Variants in TXNDC9 observed in about 807,000 individuals in gnomAD.
TXNDC9 encodes thioredoxin domain containing 9.
Under a neutral mutation model 23.0 loss-of-function variants are expected in TXNDC9, and 7 were observed. The observed-to-expected ratio is 0.30, with a 90% CI of 0.17 to 0.57. The LOEUF (loss-of-function observed/expected upper bound fraction) is 0.57. Ranked by LOEUF, TXNDC9 falls within the 20% of genes least tolerant of loss-of-function variation. The pLI is 0.90. For synonymous variants in TXNDC9, 72 were observed against 90.6 expected (o/e 0.79, Z 1.17); for missense variants, 198 against 252.6 (o/e 0.78, Z 1.47).
At chr2:99,327,315 AC>A (rs538871393) in intron 3 of TXNDC9, among the ~76,000 whole-genome samples, 7 of 151,546 alleles carry the variant, frequency 4.6e-5, no homozygotes, top group African/African-American at 1.2e-4. Flanking sequence ...CAAGTGATCC[AC>A]CCCCCACTTG....
At chr2:99,334,584 G>A (rs2105327607) in intron 1 of TXNDC9, among the ~76,000 whole-genome samples, 1 of 152,292 alleles carries the variant, frequency 6.6e-6, no homozygotes, top group Non-Finnish European at 1.5e-5. Flanking sequence ...AATGGCATTT[G>A]TGTATCTAAA....
At chr2:99,322,692 T>C in intron 3 of TXNDC9, 1 of 1,483,214 alleles carries the variant, frequency 6.7e-7, no homozygotes, top group Non-Finnish European at 8.9e-7. Flanking sequence ...GGCTAAGGGT[T>C]ACTAATAATA....
In TXNDC9 at chr2:99,333,305, C is replaced by T. The variant is rs547085710; in HGVS notation, c.-32-63G>A. The T allele has an allele frequency of 5.7e-6, 8 of 1,410,108 alleles. No individual in the cohort carries two copies. The Admixed American group carries it at 1.6e-4, about 28-fold the overall frequency. 87.3% of individuals were successfully genotyped at this position (1,410,108 alleles called of 1,614,324 possible). ...CAAACAATAAGCAAGGTTTTCTCTACCATTTTCAAAAATTCTGGCAAGTGT... is the reference window on the plus strand; with the variant it reads ...CAAACAATAAGCAAGGTTTTCTCTATCATTTTCAAAAATTCTGGCAAGTGT... On this transcript the variant is annotated intron_variant, in intron 1 of 4. Coordinates refer to ENST00000264255, the MANE Select transcript of TXNDC9 (RefSeq NM_005783.4).
At chr2:99,312,492 G>A in the TXNDC9 span, among the ~76,000 whole-genome samples, 9 of 138,680 alleles carry the variant, frequency 6.5e-5, no homozygotes, top group South Asian at 4.5e-4. Context: ...ATGAGACTCC[G>A]TCTCAAAAAA....
chr2:99,307,332 A>T, the TXNDC9 span: 1 of 152,016 alleles, frequency 6.6e-6, no homozygotes, highest in East Asian at 1.9e-4. Flanking sequence ...CAAAGTATTT[A>T]CAATTATTAT....
chr2:99,320,440 C>T (rs895997955), intron 4 of TXNDC9, among the ~76,000 whole-genome samples: 2 of 152,110 alleles, frequency 1.3e-5, no homozygotes, highest in Non-Finnish European at 2.9e-5. Flanking sequence ...CGTCAAAAAT[C>T]GATAATCTGA....
At chr2:99,324,213 C>A (rs1367595950) in intron 3 of TXNDC9, among the ~76,000 whole-genome samples, 1 of 152,192 alleles carries the variant, frequency 6.6e-6, no homozygotes, top group African/African-American at 2.4e-5. Flanking sequence ...AAACATACAG[C>A]TGTTCTTATG....
Position 99,321,968 on chromosome 2 carries a change from T to C in TXNDC9, c.550A>G (p.Ile184Val). The C allele has an allele frequency of 1.9e-6, 3 of 1,609,208 alleles. No individual in the cohort carries two copies. The highest frequency in any genetic ancestry group is 2.5e-6 in the Non-Finnish European group (3 of 1,177,698). The change falls in exon 4 of 5, where the codon ATT (isoleucine) becomes GTT (valine). Residue 184 changes from isoleucine to valine, a missense_variant. Coordinates refer to ENST00000264255, the MANE Select transcript of TXNDC9 (RefSeq NM_005783.4). ...TLEWRLGSSD[I>V]LNYSGNLMEP... Reference sequence around the variant, plus strand: ...GTTAAAAGTTACCTGTAATTAAGAATGTCAGAAGAACCGAGCCTCCATTCT... The same window carrying C: ...GTTAAAAGTTACCTGTAATTAAGAACGTCAGAAGAACCGAGCCTCCATTCT...
chr2:99,334,716 T>C (rs2094234534), intron 1 of TXNDC9, among the ~76,000 whole-genome samples: 3 of 152,086 alleles, frequency 2.0e-5, no homozygotes, highest in Admixed American at 2.0e-4. Context: ...AGTACAAAAT[T>C]TTACTTTTTT....
chr2:99,322,090 A>G lies in TXNDC9; in HGVS notation c.428T>C (p.Ile143Thr). The change falls in exon 4 of 5, where the codon ATT (isoleucine) becomes ACT (threonine). Residue 143 changes from isoleucine (I) to threonine (T), a missense_variant. By Grantham distance (89) the Ile-to-Thr change is moderately conservative. Transcript: ENST00000264255. ...FLCERLHIKVIPTLALLKDGK... is the reference protein window; with the variant it reads ...FLCERLHIKVTPTLALLKDGK... ...ATCTTTTAGCAGTGCTAGTGTGGGA[A>G]TGACTTTGATATGCAGTCTCTCACA... 6.2e-7 allele frequency: 1 copy of G among 1,614,180 alleles called. No homozygotes were observed. The highest frequency in any genetic ancestry group is 1.1e-5 in the South Asian group (1 of 91,082).
At chr2:99,311,047 A>C in the TXNDC9 span, among the ~76,000 whole-genome samples, 2 of 151,550 alleles carry the variant, frequency 1.3e-5, no homozygotes, top group Admixed American at 6.6e-5. Context: ...TTTTTAAGAG[A>C]CAGGATCTCC....
chr2:99,331,958 G>A (rs1205840790), intron 2 of TXNDC9, among the ~76,000 whole-genome samples: 4 of 152,044 alleles, frequency 2.6e-5, no homozygotes, highest in Admixed American at 6.6e-5. Flanking sequence ...TTGAACTCCC[G>A]ACCTCAGGTT....
At chr2:99,311,157 C>T in the TXNDC9 span, among the ~76,000 whole-genome samples, 1 of 152,258 alleles carries the variant, frequency 6.6e-6, no homozygotes, top group South Asian at 2.1e-4. Context: ...TCCCCAGTAG[C>T]TGGGACTACA....
intron 1 of TXNDC9, among the ~76,000 whole-genome samples, chr2:99,333,462 T>C (rs1372190874): frequency 1.3e-5 from 2 of 152,118 alleles, no homozygotes; most frequent in Non-Finnish European, 2.9e-5. Flanking sequence ...TTACAGCAAA[T>C]TTAGGGTGCT....
intron 2 of TXNDC9, among the ~76,000 whole-genome samples, chr2:99,328,262 ATT>A (rs59604079): frequency 0.016 from 2,188 of 138,074 alleles, 18 homozygotes; most frequent in Middle Eastern, 0.026. Context: ...CACGCCTGGC[ATT>A]TTTTTTTTTT....
the TXNDC9 span, among the ~76,000 whole-genome samples, chr2:99,306,504 C>T: frequency 0.6 from 91,196 of 151,494 alleles, 28,214 homozygotes; most frequent in Middle Eastern, 0.79. Flanking sequence ...CTTAGTTGAG[C>T]TGGGGCACAG....
At chr2:99,318,301 C>T (rs2105317349), downstream of TXNDC9, among the ~76,000 whole-genome samples, 1 of 152,308 alleles carries the variant, frequency 6.6e-6, no homozygotes, top group Non-Finnish European at 1.5e-5. Context: ...GGCACCTTTA[C>T]ACTTCAACAT....
At chr2:99,325,405 GAAT>G (rs1356595605) in intron 3 of TXNDC9, among the ~76,000 whole-genome samples, 1 of 152,098 alleles carries the variant, frequency 6.6e-6, no homozygotes, top group African/African-American at 2.4e-5. Flanking sequence ...TGAAATACAG[GAAT>G]AATAATAAGT....
chr2:99,318,572 T>C (rs1342824291), downstream of TXNDC9, among the ~76,000 whole-genome samples: 48 of 152,160 alleles, frequency 3.2e-4, no homozygotes, highest in Admixed American at 3.1e-3. Context: ...TTCTAGGAGT[T>C]ATACTCACAG....
Sources: gnomAD v4.1 joint callset for allele counts (sites outside exome capture counted in the v4.1 genomes callset) on GRCh38, gnomAD v4.1.1 for gene constraint, MANE v1.5 for transcripts, NCBI Gene and HGNC (gene_info 2026-07-23, HGNC 2026-07-21) for gene names.